The following ROBO2 variants were observed in gnomAD, a reference collection of about 807,000 sequenced individuals.
The protein encoded by ROBO2 is roundabout homolog 2.
A neutral mutation model predicts 160.8 loss-of-function variants in ROBO2; 53 were observed. That is an observed-to-expected ratio of 0.33 (90% CI 0.26 to 0.41). ROBO2 has a LOEUF of 0.41. Among genes scored for constraint, ROBO2 ranks in the 10% least tolerant of loss-of-function variants. The pLI is 1.00. For missense variants in ROBO2, 1,577 were observed against 1,722.4 expected, an observed-to-expected ratio of 0.92 and a Z score of 1.49; for synonymous variants, 664 against 611.7, an observed-to-expected ratio of 1.09 and a Z score of -1.26.
At chr3:77,396,344 T>G (rs986094155) in intron 2 of ROBO2, among the ~76,000 whole-genome samples, 2 of 152,256 alleles carry the variant, frequency 1.3e-5, no homozygotes, top group East Asian at 3.9e-4. Context: ...TCTTTCTGTA[T>G]TTTTCAGTTG....
At chr3:77,621,739 T>A (rs1382758672) in intron 22 of ROBO2, among the ~76,000 whole-genome samples, 2 of 152,148 alleles carry the variant, frequency 1.3e-5, no homozygotes, top group South Asian at 2.1e-4. Context: ...GGAGGAAGCC[T>A]TCTAGGGTGG....
intron 2 of ROBO2, among the ~76,000 whole-genome samples, chr3:76,023,608 A>G (rs1413489803): frequency 6.6e-6 from 1 of 151,596 alleles, no homozygotes; most frequent in African/African-American, 2.4e-5. Flanking sequence ...TGCCCCACAA[A>G]CAATTACAAT....
chr3:76,229,624 T>C (rs1704500860), intron 2 of ROBO2, among the ~76,000 whole-genome samples: 1 of 152,164 alleles, frequency 6.6e-6, no homozygotes, highest in African/African-American at 2.4e-5. Context: ...ATAAAGCCAT[T>C]CCCTTTCTCT....
intron 2 of ROBO2, among the ~76,000 whole-genome samples, chr3:76,080,583 C>T (rs2068792169): frequency 6.6e-6 from 1 of 152,252 alleles, no homozygotes; most frequent in East Asian, 1.9e-4. Flanking sequence ...TGAGGAGTTG[C>T]TTACAAAGAA....
At chr3:77,186,183 G>GT (rs199864289) in intron 2 of ROBO2, among the ~76,000 whole-genome samples, 3,880 of 147,490 alleles carry the variant, frequency 0.026, 150 homozygotes, top group African/African-American at 0.088. Flanking sequence ...ATGGAAATAA[G>GT]TTTTTTTTTT....
chr3:76,545,555 T>C (rs1055590204), intron 2 of ROBO2, among the ~76,000 whole-genome samples: 1 of 151,988 alleles, frequency 6.6e-6, no homozygotes, highest in Non-Finnish European at 1.5e-5. Context: ...CTGTTAATGA[T>C]TCTAACATTG....
At chr3:76,889,558 A>T (rs938701382) in intron 2 of ROBO2, among the ~76,000 whole-genome samples, 1 of 152,360 alleles carries the variant, frequency 6.6e-6, no homozygotes, top group East Asian at 1.9e-4. Flanking sequence ...TCCATTTCAT[A>T]GTGATAACAT....
intron 2 of ROBO2, among the ~76,000 whole-genome samples, chr3:76,353,980 G>A (rs965320279): frequency 3.3e-5 from 5 of 151,992 alleles, no homozygotes; most frequent in Middle Eastern, 3.4e-3. Flanking sequence ...ACGAAGAACA[G>A]TTAACTAAAA....
chr3:77,259,920 C>G (rs921088188), intron 2 of ROBO2, among the ~76,000 whole-genome samples: 2 of 152,148 alleles, frequency 1.3e-5, no homozygotes. Context: ...CCATCTGGGG[C>G]TCTGGCCAGC....
chr3:77,173,836 C>T (rs949434726), intron 2 of ROBO2, among the ~76,000 whole-genome samples: 3 of 152,076 alleles, frequency 2.0e-5, no homozygotes, highest in Non-Finnish European at 4.4e-5. Flanking sequence ...TCCTAATTCT[C>T]ATGAGGTTAG....
At chr3:77,494,588 CA>C (rs1443931812) in intron 5 of ROBO2, among the ~76,000 whole-genome samples, 11 of 152,000 alleles carry the variant, frequency 7.2e-5, no homozygotes, top group Admixed American at 5.9e-4. Context: ...AAAGAAAAAA[CA>C]AAAAACAAAC....
In ROBO2 at chr3:76,391,402, A is replaced by C. The variant is rs534821305; in HGVS notation, c.109+453800A>C. On this transcript the variant is annotated intron_variant, in intron 2 of 26. Coordinates refer to the ROBO2 transcript ENST00000487694. ...TCCACATATATGGAATATGTGTAGA[A>C]ATGTGCTTATTTAAAATAGTAATAA... 1.9e-3 allele frequency among the ~76,000 whole-genome samples: 285 copies of C among 152,308 alleles called. 2 individuals are homozygous for C. The highest frequency in any genetic ancestry group is 6.5e-3 in the African/African-American group (270 of 41,560).
intron 21 of ROBO2, among the ~76,000 whole-genome samples, chr3:77,614,852 G>A (rs2094733654): frequency 6.6e-6 from 1 of 152,158 alleles, no homozygotes. Context: ...TCAGTGACCA[G>A]CCTATCCCTA....
At chr3:76,700,259 A>G (rs1012297712) in intron 2 of ROBO2, among the ~76,000 whole-genome samples, 1 of 152,070 alleles carries the variant, frequency 6.6e-6, no homozygotes, top group Non-Finnish European at 1.5e-5. Flanking sequence ...GGTTTTAATT[A>G]CAACTGTGAC....
At chr3:76,762,787 G>A (rs1203152881) in intron 2 of ROBO2, among the ~76,000 whole-genome samples, 7 of 151,748 alleles carry the variant, frequency 4.6e-5, no homozygotes, top group African/African-American at 1.7e-4. Context: ...AAATGGGCAA[G>A]TGTATCGCAC....
chr3:76,039,907 G>A (rs1028122361), intron 2 of ROBO2, among the ~76,000 whole-genome samples: 2 of 152,018 alleles, frequency 1.3e-5, no homozygotes, highest in Non-Finnish European at 2.9e-5. Context: ...GAGAATAAAT[G>A]ACATGACATC....
At chr3:76,979,886 G>A (rs2060008512) in intron 2 of ROBO2, among the ~76,000 whole-genome samples, 1 of 151,734 alleles carries the variant, frequency 6.6e-6, no homozygotes, top group South Asian at 2.1e-4. Context: ...ACAAGGCCTG[G>A]GAATTTTATA....
intron 2 of ROBO2, among the ~76,000 whole-genome samples, chr3:76,105,694 G>A (rs569112484): frequency 1.3e-5 from 2 of 152,032 alleles, no homozygotes; most frequent in African/African-American, 2.4e-5. Flanking sequence ...TAACCTACAC[G>A]TTCATTAGAA....
chr3:75,928,264 G>A lies in ROBO2; in HGVS notation c.-13-9217G>A, dbSNP rs572823870. The stretch of plus-strand genomic sequence containing the variant: ...CTCCCAAAGTGCTGGGATTACAGGC[G>A]TGAGCCACCGTGCCCGGCCTCTATT... On this transcript the variant is annotated intron_variant, in intron 1 of 26. Transcript: ENST00000487694. Among the ~76,000 whole-genome samples the A allele has an allele frequency of 2.6e-5, 4 of 152,256 alleles. No homozygotes were observed. The East Asian group carries it at 5.8e-4, about 22-fold the overall frequency.
Sources: allele counts gnomAD v4.1 joint callset (sites outside exome capture counted in the v4.1 genomes callset), GRCh38; gene constraint gnomAD v4.1.1; transcripts MANE v1.5; gene names NCBI Gene and HGNC (gene_info 2026-07-23, HGNC 2026-07-21).